ARMH4: variants seen among roughly 807,000 people sequenced by gnomAD.
ARMH4 encodes armadillo like helical domain containing 4.
Under a neutral mutation model 61.9 loss-of-function variants are expected in ARMH4, and 49 were observed. That is an observed-to-expected ratio of 0.79 (90% CI 0.63 to 1.00). ARMH4 has a LOEUF of 1.00. Ranked by LOEUF, ARMH4 falls within the 50% of genes least tolerant of loss-of-function variation. ARMH4 has a pLI of 0.00. For missense variants in ARMH4, 934 were observed against 930.0 expected, an observed-to-expected ratio of 1.00 and a Z score of -0.06; for synonymous variants, 368 against 341.5, an observed-to-expected ratio of 1.08 and a Z score of -0.85.
At chr14:58,122,885 C>T (rs527614030) in intron 4 of ARMH4, among the ~76,000 whole-genome samples, 21 of 152,326 alleles carry the variant, frequency 1.4e-4, no homozygotes, top group African/African-American at 4.8e-4. Context: ...GATGATCCAG[C>T]AGCAGGACTG....
intron 1 of ARMH4, among the ~76,000 whole-genome samples, chr14:58,145,265 A>G (rs1594785107): frequency 6.6e-6 from 1 of 152,224 alleles, no homozygotes; most frequent in East Asian, 1.9e-4. Context: ...ATACTGAGCA[A>G]GTGGCCTCAG....
intron 5 of ARMH4, among the ~76,000 whole-genome samples, chr14:58,044,866 C>T (rs1461916221): frequency 3.3e-5 from 5 of 152,206 alleles, no homozygotes; most frequent in Admixed American, 6.5e-5. Context: ...AAAAAATGCT[C>T]ATCGTCACTG....
chr14:58,059,714 T>C (rs1411733957), intron 5 of ARMH4, among the ~76,000 whole-genome samples: 2 of 152,244 alleles, frequency 1.3e-5, no homozygotes, highest in African/African-American at 2.4e-5. Flanking sequence ...TATGGAGAAT[T>C]AATGACCAGC....
At chr14:58,013,260 T>C (rs143486125) in intron 5 of ARMH4, among the ~76,000 whole-genome samples, 61 of 152,328 alleles carry the variant, frequency 4.0e-4, no homozygotes, top group African/African-American at 1.4e-3. Flanking sequence ...AACACAAAAG[T>C]GGCCGTAGAC....
intron 5 of ARMH4, among the ~76,000 whole-genome samples, chr14:58,082,410 C>T (rs1418226711): frequency 6.6e-6 from 1 of 152,202 alleles, no homozygotes; most frequent in Admixed American, 6.5e-5. Flanking sequence ...CTTCACTTTG[C>T]ACACATAGAT....
intron 5 of ARMH4, among the ~76,000 whole-genome samples, chr14:58,082,093 A>G (rs1230569491): frequency 2.0e-5 from 3 of 152,218 alleles, no homozygotes; most frequent in African/African-American, 7.2e-5. Flanking sequence ...TCCTCACACT[A>G]AACTGGTTAA....
chr14:58,103,656 A>G (rs1886075869), intron 4 of ARMH4, among the ~76,000 whole-genome samples: 1 of 151,922 alleles, frequency 6.6e-6, no homozygotes, highest in Non-Finnish European at 1.5e-5. Context: ...TAATGTGCAC[A>G]TGGCTCACTA....
chr14:58,027,340 T>C (rs1193763899), intron 5 of ARMH4, among the ~76,000 whole-genome samples: 2 of 152,216 alleles, frequency 1.3e-5, no homozygotes, highest in Non-Finnish European at 2.9e-5. Flanking sequence ...TTAAAGAAGA[T>C]ACTTGTAACC....
intron 2 of ARMH4, among the ~76,000 whole-genome samples, chr14:58,136,890 C>G (rs1449968036): frequency 6.6e-6 from 1 of 152,124 alleles, no homozygotes; most frequent in Non-Finnish European, 1.5e-5. Context: ...CACCCTACCC[C>G]CTTCCTTATT....
chr14:58,092,255 G>A lies in ARMH4; in HGVS notation c.2089+4469C>T, dbSNP rs143561542. Among the ~76,000 whole-genome samples the A allele has an allele frequency of 1.4e-3, 206 of 152,220 alleles. 4 individuals carry two copies. The East Asian group carries it at 0.028, about 21-fold the overall frequency. ...CCCCATTTAAAAATAGGAATGAAGC[G>A]GACAGCCAATTAAAGTGTTATCATA... On this transcript the variant is annotated intron_variant, in intron 5 of 7. Coordinates refer to ENST00000267485, the MANE Select transcript of ARMH4 (RefSeq NM_001001872.4).
At chr14:58,092,815 C>CTTT (rs1444168276) in intron 5 of ARMH4, among the ~76,000 whole-genome samples, 1 of 126,054 alleles carries the variant, frequency 7.9e-6, no homozygotes, top group African/African-American at 2.9e-5. Flanking sequence ...AGATCCTTCC[C>CTTT]TTTTTGTTTT....
intron 5 of ARMH4, among the ~76,000 whole-genome samples, chr14:58,068,893 G>C (rs939452544): frequency 2.0e-5 from 3 of 151,758 alleles, no homozygotes; most frequent in Admixed American, 6.6e-5. Flanking sequence ...TGTAATCCCA[G>C]CTACTTGGGA....
At chr14:58,130,828 A>C (rs566497718) in intron 4 of ARMH4, among the ~76,000 whole-genome samples, 1 of 152,350 alleles carries the variant, frequency 6.6e-6, no homozygotes, top group Non-Finnish European at 1.5e-5. Context: ...ACCCCACATT[A>C]AAACTTGCAA....
chr14:58,096,949 C>T lies in ARMH4; in HGVS notation c.1864G>A (p.Glu622Lys). 6.2e-7 allele frequency: 1 copy of T among 1,613,630 alleles called. No individual in the cohort carries two copies. Among genetic ancestry groups the T allele is most frequent in the Middle Eastern group, 1.7e-4 (1 of 6,048 alleles). ...GQEDEDEEDE[E>K]DEDEEEEDEE... Reference sequence around the variant, plus strand: ...TCTTCCTCTTCTTCATCTTCATCTTCTTCATCCTCTTCATCCTCATCTTCT... The same window carrying T: ...TCTTCCTCTTCTTCATCTTCATCTTTTTCATCCTCTTCATCCTCATCTTCT... Residue 622 changes from glutamate to lysine, a missense_variant, in exon 5 of 8, where the codon GAA becomes AAA. Physicochemically the swap from Glu to Lys is moderately conservative, Grantham distance 56 (BLOSUM62 1). Transcript: ENST00000267485.
At chr14:58,092,191 T>C (rs766938391) in intron 5 of ARMH4, among the ~76,000 whole-genome samples, 2 of 152,216 alleles carry the variant, frequency 1.3e-5, no homozygotes, top group Admixed American at 6.5e-5. Flanking sequence ...ATACCATTCA[T>C]ATTGTAAAAA....
At chr14:58,049,971 C>T (rs911961076) in intron 5 of ARMH4, among the ~76,000 whole-genome samples, 15 of 152,122 alleles carry the variant, frequency 9.9e-5, no homozygotes, top group Admixed American at 7.2e-4. Context: ...TTCAATGTTC[C>T]TTTGGCTTAC....
chr14:58,122,311 G>A (rs575636178), intron 4 of ARMH4, among the ~76,000 whole-genome samples: 114 of 152,236 alleles, frequency 7.5e-4, no homozygotes, highest in Admixed American at 2.4e-3. Context: ...AAGGACTAAG[G>A]AAAACTAGGA....
In ARMH4 at chr14:58,138,550, G is replaced by A. The variant is rs1335892635; in HGVS notation, c.809C>T (p.Thr270Ile). Residue 270 changes from threonine (T) to isoleucine (I), a missense_variant, in exon 2 of 8, where the codon ACC (threonine) becomes ATC (isoleucine). Transcript: ENST00000267485. ...MTADNTQAAATKQPLETSEYT... is the reference protein window; with the variant it reads ...MTADNTQAAAIKQPLETSEYT... ...CTCGGAAGTTTCGAGTGGTTGCTTGGTGGCAGCAGCCTGGGTGTTATCAGC... is the reference window on the plus strand; with the variant it reads ...CTCGGAAGTTTCGAGTGGTTGCTTGATGGCAGCAGCCTGGGTGTTATCAGC... The A allele has an allele frequency of 6.2e-7, 1 of 1,614,112 alleles. No individual in the cohort carries two copies. Among genetic ancestry groups the A allele is most frequent in the African/African-American group, 1.3e-5 (1 of 74,944 alleles).
intron 5 of ARMH4, among the ~76,000 whole-genome samples, chr14:58,066,191 C>A (rs1458329860): frequency 6.6e-6 from 1 of 152,216 alleles, no homozygotes; most frequent in Non-Finnish European, 1.5e-5. Flanking sequence ...CAACTGCCAA[C>A]AGCATGTGTG....
Sources: allele counts gnomAD v4.1 joint callset (sites outside exome capture counted in the v4.1 genomes callset), GRCh38; gene constraint gnomAD v4.1.1; transcripts MANE v1.5; gene names NCBI Gene and HGNC (gene_info 2026-07-23, HGNC 2026-07-21).